The following KAZN variants were observed in gnomAD, a reference collection of about 807,000 sequenced individuals.
KAZN encodes kazrin.
Under a neutral mutation model 87.4 loss-of-function variants are expected in KAZN, and 40 were observed. The observed-to-expected ratio is 0.46, with a 90% CI of 0.36 to 0.60. The LOEUF is 0.60. Among genes scored for constraint, KAZN ranks in the 20% least tolerant of loss-of-function variants. The pLI is 0.00. For synonymous variants in KAZN, 466 were observed against 458.3 expected, an observed-to-expected ratio of 1.02 and a Z score of -0.22; for missense variants, 898 against 1,073.9, an observed-to-expected ratio of 0.84 and a Z score of 2.29.
rs1460919093 is a variant in KAZN at position 14,030,647 on chromosome 1, CA to C, written c.91+136892del. 5.4e-5 allele frequency among the ~76,000 whole-genome samples: 8 copies of C among 147,772 alleles called. No individual in the cohort carries two copies. In the East Asian group the frequency reaches 1.9e-3, roughly 35 times the overall value. ...CAATGTACACAGATACACACACACA[CA>C]CACACACACACACACACACACACAC... On this transcript the variant is annotated intron_variant, in intron 1 of 16. Transcript: ENST00000636203.
intron 1 of KAZN, among the ~76,000 whole-genome samples, chr1:14,059,049 T>C (rs1642687068): frequency 6.6e-6 from 1 of 152,200 alleles, no homozygotes; most frequent in Non-Finnish European, 1.5e-5. Flanking sequence ...CTTCTGGGAA[T>C]TTAGAATGAG....
rs764101395 is a variant in KAZN at position 14,402,020 on chromosome 1, AATAG to A, written c.250-196958_250-196955del. ...TTGTTAATATAATACAAGTAAAAGAAATAGATAGGCATAAGAATCAAAAAGGCAA... is the reference window on the plus strand; with the variant it reads ...TTGTTAATATAATACAAGTAAAAGAAATAGGCATAAGAATCAAAAAGGCAA... On this transcript the variant is annotated intron_variant, in intron 2 of 16. Transcript: ENST00000636203. Among the ~76,000 whole-genome samples the A allele has an allele frequency of 1.9e-3, 287 of 152,130 alleles. 1 individual carries two copies. Among genetic ancestry groups the A allele is most frequent in the Middle Eastern group, 6.8e-3 (2 of 294 alleles).
intron 1 of KAZN, among the ~76,000 whole-genome samples, chr1:14,123,538 CAGAGA>C (rs1282170904): frequency 6.6e-6 from 1 of 152,112 alleles, no homozygotes; most frequent in African/African-American, 2.4e-5. Context: ...ATTCCAAATA[CAGAGA>C]AGAGGAGAGG....
chr1:15,040,488 C>G (rs1431052901), intron 3 of KAZN, among the ~76,000 whole-genome samples: 1 of 152,156 alleles, frequency 6.6e-6, no homozygotes, highest in Non-Finnish European at 1.5e-5. Context: ...GCCGATGACC[C>G]AGCATGGTGG....
chr1:14,109,018 C>T (rs76325188), intron 1 of KAZN, among the ~76,000 whole-genome samples: 22 of 152,316 alleles, frequency 1.4e-4, no homozygotes, highest in Non-Finnish European at 2.9e-5. Context: ...GCTAGGACTG[C>T]AATGTGGCCG....
intron 2 of KAZN, among the ~76,000 whole-genome samples, chr1:14,547,522 G>T (rs950610542): frequency 6.6e-6 from 1 of 152,132 alleles, no homozygotes; most frequent in African/African-American, 2.4e-5. Flanking sequence ...TTGACGACAT[G>T]AATCAAAACA....
chr1:14,699,717 C>A (rs549682528), intron 1 of KAZN, among the ~76,000 whole-genome samples: 1 of 152,180 alleles, frequency 6.6e-6, no homozygotes, highest in African/African-American at 2.4e-5. Context: ...AACCAGCCAG[C>A]GGTGTGCTAG....
At chr1:14,339,542 G>C (rs571998727) in intron 2 of KAZN, among the ~76,000 whole-genome samples, 12 of 152,278 alleles carry the variant, frequency 7.9e-5, no homozygotes, top group African/African-American at 2.9e-4. Context: ...ACACGCAGGA[G>C]AGCCGACGTT....
At position 14,941,891 on chromosome 1, in the gene KAZN, C is replaced by T. The variant is rs115261968; in HGVS notation, c.227-18793C>T. Among the ~76,000 whole-genome samples the T allele has an allele frequency of 3.2e-3, 482 of 152,192 alleles. 2 individuals carry two copies. The highest frequency in any genetic ancestry group is 3.8e-3 in the Non-Finnish European group (261 of 68,012). ...TCAGGATGAGAGAATAACTAGAACC[C>T]GGCATTGGTCTTTTGTTGGATTTCT... On this transcript the variant is annotated intron_variant, in intron 1 of 14. Transcript: ENST00000376030.
At chr1:14,165,506 T>C (rs764708895) in intron 1 of KAZN, among the ~76,000 whole-genome samples, 3 of 152,368 alleles carry the variant, frequency 2.0e-5, no homozygotes, top group Admixed American at 6.5e-5. Context: ...CTCATTTGCA[T>C]GCAGATTGTG....
rs1163991117 is a variant in KAZN, at chr1:14,184,369, G to A, written c.249+3777G>A. 2.6e-5 allele frequency among the ~76,000 whole-genome samples: 4 copies of A among 152,004 alleles called. No homozygotes were observed. The highest frequency in any genetic ancestry group is 9.7e-5 in the African/African-American group (4 of 41,386). On this transcript the variant is annotated intron_variant, in intron 2 of 16. Transcript: ENST00000636203. The surrounding 1 kb of genome is among the most constrained non-coding windows in gnomAD (Gnocchi z 4.2). The stretch of plus-strand genomic sequence containing the variant: ...CAAAATAAATGTTAGCTGAGATGTG[G>A]AATTACATTCTGCATTTTTCACTTC...
intron 1 of KAZN, among the ~76,000 whole-genome samples, chr1:13,967,561 G>A (rs1641990572): frequency 6.6e-6 from 1 of 152,186 alleles, no homozygotes; most frequent in Non-Finnish European, 1.5e-5. Context: ...ACTGAGGACT[G>A]GTGACCACTG....
intron 1 of KAZN, among the ~76,000 whole-genome samples, chr1:14,938,744 C>T (rs970399560): frequency 1.1e-4 from 16 of 152,084 alleles, no homozygotes; most frequent in Non-Finnish European, 2.2e-4. Context: ...GACAGTTGGT[C>T]AGAATCTCAT....
intron 2 of KAZN, among the ~76,000 whole-genome samples, chr1:14,306,887 G>A (rs1405529253): frequency 6.6e-6 from 1 of 152,134 alleles, no homozygotes; most frequent in Non-Finnish European, 1.5e-5. Flanking sequence ...TTGTTCTTCA[G>A]GCATTTGGCT....
chr1:14,225,897 T>G (rs1647259644), intron 2 of KAZN, among the ~76,000 whole-genome samples: 1 of 152,050 alleles, frequency 6.6e-6, no homozygotes. Flanking sequence ...AACCTAAAAC[T>G]GTAAAAACCC....
chr1:14,762,056 G>A (rs1277228482), intron 1 of KAZN, among the ~76,000 whole-genome samples: 2 of 152,114 alleles, frequency 1.3e-5, no homozygotes, highest in Non-Finnish European at 2.9e-5. Context: ...TTTTCATAAG[G>A]ACACCTGTGA....
chr1:14,366,254 G>GAAC (rs1659987337), intron 2 of KAZN, among the ~76,000 whole-genome samples: 1 of 152,182 alleles, frequency 6.6e-6, no homozygotes. Context: ...GGCTCTTATG[G>GAAC]AACCCTCTGA....
chr1:14,479,356 G>A (rs372515082), intron 2 of KAZN, among the ~76,000 whole-genome samples: 1 of 152,164 alleles, frequency 6.6e-6, no homozygotes, highest in Non-Finnish European at 1.5e-5. Context: ...GCTATGGTTC[G>A]CCATGGCCAA....
At chr1:13,935,885 TGTGTGTGTGTGTG>T (rs1640712083) in intron 1 of KAZN, among the ~76,000 whole-genome samples, 1 of 136,578 alleles carries the variant, frequency 7.3e-6, no homozygotes, top group Admixed American at 8.2e-5. Context: ...TGTGTGTGTG[TGTGTGTGTGTGTG>T]TGTAGAATCA....
Sources: gnomAD v4.1 joint callset for allele counts (sites outside exome capture counted in the v4.1 genomes callset) on GRCh38, gnomAD v4.1.1 for gene constraint, Gnocchi (gnomAD v3.1) non-coding constraint, MANE v1.5 for transcripts, NCBI Gene and HGNC (gene_info 2026-07-23, HGNC 2026-07-21) for gene names.